ERC2: variants seen among roughly 807,000 people sequenced by gnomAD.
ERC2 encodes the protein ELKS/RAB6-interacting/CAST family member 2.
A neutral mutation model predicts 114.8 loss-of-function variants in ERC2; 42 were observed. The observed-to-expected ratio is 0.37, with a 90% CI of 0.29 to 0.47. The LOEUF (loss-of-function observed/expected upper bound fraction) is 0.47, where lower values mean the gene tolerates loss of function less well. Among genes scored for constraint, ERC2 ranks in the 20% least tolerant of loss-of-function variants. ERC2 has a pLI of 0.99. For synonymous variants in ERC2, 454 were observed against 425.5 expected (o/e 1.07, Z -0.82); for missense variants, 939 against 1,150.7 (o/e 0.82, Z 2.66).
intron 14 of ERC2, among the ~76,000 whole-genome samples, chr3:55,832,156 T>C (rs1340233656): frequency 6.6e-6 from 1 of 152,252 alleles, no homozygotes; most frequent in African/African-American, 2.4e-5. Context: ...CCTGCCTCTA[T>C]AGGCTCCAAC....
At chr3:56,112,012 GA>G (rs146022227) in intron 6 of ERC2, among the ~76,000 whole-genome samples, 3,996 of 152,298 alleles carry the variant, frequency 0.026, 176 homozygotes, top group African/African-American at 0.092. Context: ...CATTCTCAGA[GA>G]ATCTGTGCAG....
At chr3:55,920,433 CACACACACACACA>C (rs2065350947) in intron 13 of ERC2, among the ~76,000 whole-genome samples, 1 of 150,730 alleles carries the variant, frequency 6.6e-6, no homozygotes, top group African/African-American at 2.5e-5. Context: ...CACACACACA[CACACACACACACA>C]CCCCAAGTGA....
intron 16 of ERC2, among the ~76,000 whole-genome samples, chr3:55,687,518 T>C (rs1183365186): frequency 6.6e-6 from 1 of 152,154 alleles, no homozygotes; most frequent in Non-Finnish European, 1.5e-5. Flanking sequence ...ACCAGCGAAG[T>C]ATCACTTTCA....
At chr3:56,376,460 A>C (rs1489025937) in intron 2 of ERC2, among the ~76,000 whole-genome samples, 7 of 62,560 alleles carry the variant, frequency 1.1e-4, no homozygotes, top group South Asian at 3.9e-4. Flanking sequence ...AATTGCTCCC[A>C]AAAAAAAAAA....
chr3:55,810,201 A>G (rs2059661674), intron 14 of ERC2, among the ~76,000 whole-genome samples: 1 of 152,194 alleles, frequency 6.6e-6, no homozygotes, highest in Admixed American at 6.5e-5. Context: ...CAGAAATCAT[A>G]TCATAGAAGA....
chr3:55,642,809 T>A (rs1218416299), intron 17 of ERC2, among the ~76,000 whole-genome samples: 1 of 152,148 alleles, frequency 6.6e-6, no homozygotes, highest in African/African-American at 2.4e-5. Flanking sequence ...TTAGAAGTGT[T>A]TTACTCTCAA....
Position 56,296,002 on chromosome 3 carries a change from A to G in ERC2, c.1074+17T>C, listed in dbSNP as rs2055404570. On this transcript the variant is annotated intron_variant, in intron 3 of 17. Transcript: ENST00000288221. ...TTATAAATTAAGGCTTTGGGGAAAT[A>G]CAGTGAATGCTCTTACCTCTCTAAG... is the stretch of plus-strand genomic sequence containing the variant. 3 of 1,539,714 alleles carry G rather than the reference A, an allele frequency of 1.9e-6. No homozygotes were observed. The highest frequency in any genetic ancestry group is 2.5e-5 in the South Asian group (2 of 79,038).
chr3:56,018,829 G>C, intron 8 of ERC2, 65 bp downstream of exon 8: 1 of 1,551,106 alleles, frequency 6.4e-7, no homozygotes, highest in Non-Finnish European at 8.8e-7. Context: ...AAATGCATTG[G>C]GATCAACTTT....
At chr3:55,720,850 A>C (rs2064503587) in intron 15 of ERC2, among the ~76,000 whole-genome samples, 2 of 152,116 alleles carry the variant, frequency 1.3e-5, no homozygotes, top group African/African-American at 4.8e-5. Context: ...CCATCTTTCC[A>C]CCTCACAACT....
chr3:56,258,708 TG>T (rs2052697018), intron 3 of ERC2, among the ~76,000 whole-genome samples: 1 of 152,182 alleles, frequency 6.6e-6, no homozygotes, highest in South Asian at 2.1e-4. Flanking sequence ...ACCAGGGAGC[TG>T]GCTGGATTTG....
At chr3:55,839,036 G>A (rs1222206058) in intron 14 of ERC2, among the ~76,000 whole-genome samples, 2 of 151,384 alleles carry the variant, frequency 1.3e-5, no homozygotes, top group Non-Finnish European at 3.0e-5. Flanking sequence ...TTAAGGCAAG[G>A]AACATCATAA....
intron 16 of ERC2, among the ~76,000 whole-genome samples, chr3:55,694,294 C>A (rs2062819604): frequency 6.6e-6 from 1 of 152,136 alleles, no homozygotes; most frequent in Admixed American, 6.5e-5. Context: ...GGGATACTTC[C>A]ATCTGCCCTT....
chr3:56,296,105 G>T lies in ERC2; in HGVS notation c.988C>A (p.Arg330=), dbSNP rs551910401. The T allele has an allele frequency of 1.2e-6, 2 of 1,613,834 alleles. No homozygotes were observed. The highest frequency in any genetic ancestry group is 1.7e-6 in the Non-Finnish European group (2 of 1,179,786). ...TGAGACTCAGCCTCTGCCATCCGCCGCGTTCGCTCATTGTCATCCTCCAGG... is the reference window on the plus strand; with the variant it reads ...TGAGACTCAGCCTCTGCCATCCGCCTCGTTCGCTCATTGTCATCCTCCAGG... ...KSLEDDNERT[R]RMAEAESQVS... The change falls in exon 3 of 18, where the codon CGG becomes AGG. Residue 330 remains arginine (R), a synonymous_variant. Coordinates refer to ENST00000288221, the MANE Select transcript of ERC2 (RefSeq NM_015576.3).
chr3:55,723,501 T>C (rs79389087), intron 15 of ERC2, among the ~76,000 whole-genome samples: 3,324 of 151,976 alleles, frequency 0.022, 87 homozygotes, highest in African/African-American at 0.06. Flanking sequence ...AAAAAAACAA[T>C]AAACAAGGGA....
At chr3:55,989,758 C>T (rs1482500663) in intron 11 of ERC2, among the ~76,000 whole-genome samples, 2 of 152,176 alleles carry the variant, frequency 1.3e-5, no homozygotes, top group African/African-American at 4.8e-5. Flanking sequence ...GTGGGTGAGA[C>T]TAAAAGGTAC....
chr3:56,288,649 G>A (rs1392690834), intron 3 of ERC2, among the ~76,000 whole-genome samples: 1 of 152,174 alleles, frequency 6.6e-6, no homozygotes, highest in Non-Finnish European at 1.5e-5. Flanking sequence ...AGAAATGTGA[G>A]GATAAAAATT....
chr3:56,205,735 T>G (rs1457895744), intron 3 of ERC2, among the ~76,000 whole-genome samples: 1 of 152,116 alleles, frequency 6.6e-6, no homozygotes, highest in Admixed American at 6.5e-5. Context: ...CAAATCCACT[T>G]GTGTCCTACA....
chr3:55,834,846 C>A (rs2060797568), intron 14 of ERC2, among the ~76,000 whole-genome samples: 1 of 136,268 alleles, frequency 7.3e-6, no homozygotes, highest in Non-Finnish European at 1.5e-5. Flanking sequence ...AACTGATAGA[C>A]CACTAGCAAG....
rs1399445783 is a variant in ERC2 at position 56,355,143 on chromosome 3, G to C, written c.658-58708C>G. 3.3e-5 allele frequency among the ~76,000 whole-genome samples: 5 copies of C among 152,270 alleles called. No individual in the cohort carries two copies. In the East Asian group the frequency reaches 9.7e-4, roughly 29 times the overall value. ...AATCACAAATCATTGTGAGTGAAGA[G>C]AACATTGTTCTGAAGCACATCAGAT... On this transcript the variant is annotated intron_variant, in intron 2 of 17. Coordinates refer to ENST00000288221, the MANE Select transcript of ERC2 (RefSeq NM_015576.3).
Sources: allele counts gnomAD v4.1 joint callset (sites outside exome capture counted in the v4.1 genomes callset), GRCh38; gene constraint gnomAD v4.1.1; transcripts MANE v1.5; gene names NCBI Gene and HGNC (gene_info 2026-07-23, HGNC 2026-07-21).